CTNNA2: variants seen among roughly 807,000 people sequenced by gnomAD.
The protein encoded by CTNNA2 is catenin alpha-2.
Under a neutral mutation model 101.0 loss-of-function variants are expected in CTNNA2, and 42 were observed. The ratio of observed to expected loss-of-function variants is 0.42; its 90% confidence interval spans 0.32 to 0.54. The LOEUF is 0.54. Among genes scored for constraint, CTNNA2 ranks in the 20% least tolerant of loss-of-function variants. The pLI is 0.14. For missense variants in CTNNA2, 871 were observed against 1,223.1 expected (o/e 0.71, Z 4.29); for synonymous variants, 450 against 456.4 (o/e 0.99, Z 0.18).
At chr2:80,294,782 A>G (rs1213334135) in intron 7 of CTNNA2, among the ~76,000 whole-genome samples, 1 of 152,190 alleles carries the variant, frequency 6.6e-6, no homozygotes, top group Middle Eastern at 3.2e-3. Flanking sequence ...CAGGGTTGAC[A>G]AGCACTCTGC....
At chr2:79,196,823 G>A (rs1289764977) in intron 1 of CTNNA2, among the ~76,000 whole-genome samples, 1 of 152,162 alleles carries the variant, frequency 6.6e-6, no homozygotes, top group Admixed American at 6.5e-5. Context: ...GTTGCTTAGG[G>A]TCAAAAATGT....
chr2:79,606,299 G>C (rs1453585839), intron 1 of CTNNA2, among the ~76,000 whole-genome samples: 1 of 152,164 alleles, frequency 6.6e-6, no homozygotes, highest in East Asian at 1.9e-4. Context: ...ACAGAGTCTC[G>C]CTCTGGCACC....
At chr2:80,212,476 C>T (rs1296813143) in intron 7 of CTNNA2, among the ~76,000 whole-genome samples, 1 of 152,126 alleles carries the variant, frequency 6.6e-6, no homozygotes, top group Non-Finnish European at 1.5e-5. Context: ...TTGAGATAAT[C>T]ATGTGGTTTT....
chr2:80,074,442 C>T (rs1293849283), intron 7 of CTNNA2, among the ~76,000 whole-genome samples: 1 of 152,142 alleles, frequency 6.6e-6, no homozygotes, highest in Non-Finnish European at 1.5e-5. Context: ...ATCTGAAGTT[C>T]ATTTGCAAGA....
Position 80,302,650 on chromosome 2 carries a change from C to G in CTNNA2, c.1057-90561C>G, listed in dbSNP as rs200884012. On this transcript the variant is annotated intron_variant, in intron 7 of 18. Coordinates refer to ENST00000402739, the MANE Select transcript of CTNNA2 (RefSeq NM_001282597.3). The surrounding 1 kb of genome is among the most constrained non-coding windows in gnomAD (Gnocchi z 6.4). ...CCCCGCCGTCCGCGAGCGTGGTGGC[C>G]GAGCTGGCAGGGGGCCCCAGATCAC... The G allele has an allele frequency of 3.4e-5, 55 of 1,608,878 alleles. No individual in the cohort carries two copies. In the East Asian group the frequency reaches 1.1e-3, roughly 31 times the overall value.
At chr2:79,336,064 A>C (rs1676987404) in intron 3 of CTNNA2, among the ~76,000 whole-genome samples, 1 of 152,254 alleles carries the variant, frequency 6.6e-6, no homozygotes, top group African/African-American at 2.4e-5. Flanking sequence ...AGATGAGAGA[A>C]AAATGAGCAA....
At chr2:80,234,331 A>G (rs1292718976) in intron 7 of CTNNA2, among the ~76,000 whole-genome samples, 1 of 152,206 alleles carries the variant, frequency 6.6e-6, no homozygotes, top group Non-Finnish European at 1.5e-5. Flanking sequence ...CTTTAAGGGA[A>G]ATATTGCATA....
chr2:79,379,578 A>T (rs920487930), intron 4 of CTNNA2, among the ~76,000 whole-genome samples: 6 of 152,224 alleles, frequency 3.9e-5, no homozygotes, highest in African/African-American at 1.4e-4. Context: ...GTTCTCTAAC[A>T]TATCTGTTGA....
At chr2:79,965,781 A>G (rs1574426151) in intron 7 of CTNNA2, among the ~76,000 whole-genome samples, 1 of 140,208 alleles carries the variant, frequency 7.1e-6, no homozygotes. Context: ...ACAAGATGGC[A>G]CCACTGCCAC....
At chr2:79,453,792 T>C (rs1268895805) in intron 4 of CTNNA2, among the ~76,000 whole-genome samples, 1 of 152,108 alleles carries the variant, frequency 6.6e-6, no homozygotes, top group Admixed American at 6.6e-5. Flanking sequence ...AGATTATTGG[T>C]GCAGTGATTA....
chr2:80,026,219 A>G (rs1694916409), intron 7 of CTNNA2, among the ~76,000 whole-genome samples: 1 of 152,200 alleles, frequency 6.6e-6, no homozygotes, highest in African/African-American at 2.4e-5. Context: ...GAGCGTTTGA[A>G]TGATTTTGCA....
At chr2:79,354,650 C>T (rs1424785113) in intron 3 of CTNNA2, among the ~76,000 whole-genome samples, 1 of 152,108 alleles carries the variant, frequency 6.6e-6, no homozygotes, top group Non-Finnish European at 1.5e-5. Context: ...TGTGTCTCTA[C>T]CTACTCTCTG....
intron 7 of CTNNA2, among the ~76,000 whole-genome samples, chr2:80,194,522 G>T (rs973749645): frequency 6.6e-6 from 1 of 151,662 alleles, no homozygotes; most frequent in Non-Finnish European, 1.5e-5. Context: ...AGGTATGCAG[G>T]TGTGTGGTGG....
chr2:79,535,884 C>T (rs1673025170), intron 1 of CTNNA2, among the ~76,000 whole-genome samples: 1 of 152,096 alleles, frequency 6.6e-6, no homozygotes, highest in South Asian at 2.1e-4. Context: ...AAAATGCCAG[C>T]CCAATTACCA....
chr2:80,184,502 G>A (rs930438456), intron 7 of CTNNA2, among the ~76,000 whole-genome samples: 29 of 152,090 alleles, frequency 1.9e-4, no homozygotes, highest in African/African-American at 7.0e-4. Context: ...TTTGAATCAG[G>A]GGCCAACTAG....
chr2:80,573,507 A>C (rs998888429), intron 12 of CTNNA2, among the ~76,000 whole-genome samples: 1 of 151,768 alleles, frequency 6.6e-6, no homozygotes, highest in African/African-American at 2.4e-5. Context: ...TTTCTATTAC[A>C]CACTCCTTCC....
At chr2:80,635,193 T>A (rs1296117122) in intron 18 of CTNNA2, among the ~76,000 whole-genome samples, 3 of 152,090 alleles carry the variant, frequency 2.0e-5, no homozygotes, top group African/African-American at 7.2e-5. Flanking sequence ...TATTTGAATG[T>A]GTGTTAATGT....
intron 6 of CTNNA2, among the ~76,000 whole-genome samples, chr2:79,897,666 G>A (rs763899134): frequency 4.6e-5 from 7 of 152,190 alleles, no homozygotes; most frequent in Non-Finnish European, 8.8e-5. Flanking sequence ...ATTGGAGCCA[G>A]GTTTCTAATC....
intron 2 of CTNNA2, among the ~76,000 whole-genome samples, chr2:79,252,816 T>A (rs2104274478): frequency 8.3e-6 from 1 of 119,906 alleles, no homozygotes; most frequent in Non-Finnish European, 2.0e-5. Flanking sequence ...TATTATCAAC[T>A]GTTTTTTTTT....
Sources: allele counts gnomAD v4.1 joint callset (sites outside exome capture counted in the v4.1 genomes callset), GRCh38; gene constraint gnomAD v4.1.1; non-coding constraint Gnocchi (gnomAD v3.1); transcripts MANE v1.5; gene names NCBI Gene and HGNC (gene_info 2026-07-23, HGNC 2026-07-21).